Variants in EEFSEC observed in about 807,000 individuals in gnomAD.
EEFSEC encodes the protein eukaryotic elongation factor, selenocysteine-tRNA specific.
EEFSEC carries 43 observed loss-of-function variants against 42.1 expected under a neutral mutation model. That is an observed-to-expected ratio of 1.02 (90% CI 0.80 to 1.32). The LOEUF (loss-of-function observed/expected upper bound fraction) is 1.32, where lower values mean the gene tolerates loss of function less well. Among genes scored for constraint, EEFSEC ranks in the 40% most tolerant of loss-of-function variants. The pLI is 0.00. For synonymous variants in EEFSEC, 354 were observed against 339.1 expected (o/e 1.04, Z -0.48); for missense variants, 745 against 803.6 (o/e 0.93, Z 0.88).
chr3:128,225,191 CAG>C (rs2065896766), intron 1 of EEFSEC, among the ~76,000 whole-genome samples: 1 of 152,214 alleles, frequency 6.6e-6, no homozygotes, highest in Non-Finnish European at 1.5e-5. Context: ...AGCCCTAGGT[CAG>C]TGTCTTTTTT....
intron 1 of EEFSEC, among the ~76,000 whole-genome samples, chr3:128,171,365 A>G (rs149066284): frequency 4.0e-4 from 61 of 152,182 alleles, no homozygotes; most frequent in African/African-American, 1.3e-3. Flanking sequence ...TTTTTAATCA[A>G]TGAAAATATG....
At chr3:128,362,098 C>T in intron 6 of EEFSEC, 1 of 387,552 alleles carries the variant, frequency 2.6e-6, no homozygotes, top group South Asian at 2.0e-5. Context: ...GCTGGGAGGC[C>T]CATGTGGTGC....
chr3:128,160,959 G>A (rs1219367331), intron 1 of EEFSEC, among the ~76,000 whole-genome samples: 1 of 152,138 alleles, frequency 6.6e-6, no homozygotes, highest in Admixed American at 6.5e-5. Context: ...TCTGTATGCT[G>A]TTTTTTTGAT....
Position 128,341,140 on chromosome 3 carries a change from T to A in EEFSEC, c.787-93T>A, listed in dbSNP as rs543190171. The A allele has an allele frequency of 1.3e-4, 185 of 1,462,976 alleles. No individual in the cohort carries two copies. The Admixed American group carries it at 1.7e-3, about 14-fold the overall frequency. The allele number at this position is 1,462,976 out of a possible 1,614,324, so 90.6% of individuals were successfully genotyped here. On this transcript the variant is annotated intron_variant, in intron 4 of 6. Coordinates refer to ENST00000254730, the MANE Select transcript of EEFSEC (RefSeq NM_021937.5). ...TCCTCACGGTGCCTGCAGGTGGTGG[T>A]AAGCACAGGATTCTCTAGCTGCAGC...
intron 6 of EEFSEC, among the ~76,000 whole-genome samples, chr3:128,384,106 A>G (rs891194562): frequency 2.0e-4 from 30 of 152,202 alleles, no homozygotes; most frequent in African/African-American, 7.2e-4. Context: ...AAGCCCAGGC[A>G]CAGAGCCTAG....
intron 4 of EEFSEC, among the ~76,000 whole-genome samples, chr3:128,339,947 C>G (rs957545945): frequency 3.3e-5 from 5 of 152,148 alleles, no homozygotes; most frequent in Non-Finnish European, 5.9e-5. Flanking sequence ...CATTCACTAC[C>G]AGTATGGGGG....
At chr3:128,182,719 A>G (rs1177881557) in intron 1 of EEFSEC, among the ~76,000 whole-genome samples, 1 of 152,158 alleles carries the variant, frequency 6.6e-6, no homozygotes, top group African/African-American at 2.4e-5. Context: ...TGCCTGCTGG[A>G]ACCTGGGTGT....
intron 4 of EEFSEC, among the ~76,000 whole-genome samples, chr3:128,339,316 C>G (rs2067224689): frequency 1.3e-5 from 2 of 152,176 alleles, no homozygotes; most frequent in South Asian, 4.1e-4. Context: ...AACACACTCT[C>G]CCTTTATCCA....
chr3:128,338,254 G>T (rs1184862582), intron 4 of EEFSEC, among the ~76,000 whole-genome samples: 3 of 152,170 alleles, frequency 2.0e-5, no homozygotes, highest in Non-Finnish European at 4.4e-5. Flanking sequence ...AAAAAGAAAG[G>T]GAATGCTGTG....
At chr3:128,153,889 G>T in intron 1 of EEFSEC, 66 bp downstream of exon 1, 1 of 1,435,054 alleles carries the variant, frequency 7.0e-7, no homozygotes, top group Non-Finnish European at 9.0e-7. Context: ...CCCCGTGTCC[G>T]AATTCGCTCG....
At chr3:128,420,664 C>A in the EEFSEC span, among the ~76,000 whole-genome samples, 4 of 152,228 alleles carry the variant, frequency 2.6e-5, no homozygotes, top group Admixed American at 2.0e-4. Flanking sequence ...GTTCCCGAAG[C>A]AGAGTCTGAT....
chr3:128,299,503 G>A (rs2066743711), intron 4 of EEFSEC, among the ~76,000 whole-genome samples: 1 of 152,156 alleles, frequency 6.6e-6, no homozygotes, highest in African/African-American at 2.4e-5. Context: ...CAGATGGATA[G>A]CCTGCAAATA....
intron 6 of EEFSEC, 135 bp downstream of exon 6, chr3:128,358,508 T>G: frequency 7.7e-7 from 1 of 1,293,794 alleles, no homozygotes; most frequent in African/African-American, 1.5e-5. Flanking sequence ...TGACTTGGCC[T>G]GCCTGGCAGC....
intron 4 of EEFSEC, among the ~76,000 whole-genome samples, chr3:128,328,973 G>A (rs569018928): frequency 2.0e-5 from 3 of 152,174 alleles, no homozygotes; most frequent in East Asian, 1.9e-4. Flanking sequence ...CAGGAGGCTC[G>A]CAGTGGCAGC....
chr3:128,357,546 G>A lies in EEFSEC; in HGVS notation c.1444-671G>A, dbSNP rs904279530. Reference sequence around the variant, plus strand: ...GGGCTGTGGAGGAAAAGTGGGCCAGGCCAAGACAGGCTTCCAGGCACAGCT... The same window carrying A: ...GGGCTGTGGAGGAAAAGTGGGCCAGACCAAGACAGGCTTCCAGGCACAGCT... On this transcript the variant is annotated intron_variant, in intron 5 of 6. Coordinates refer to ENST00000254730, the MANE Select transcript of EEFSEC (RefSeq NM_021937.5). Among the ~76,000 whole-genome samples the A allele has an allele frequency of 7.8e-4, 119 of 152,224 alleles. 5 individuals carry two copies. The highest frequency in any genetic ancestry group is 7.8e-3 in the Admixed American group (119 of 15,286).
intron 4 of EEFSEC, among the ~76,000 whole-genome samples, chr3:128,330,100 A>G (rs1413674925): frequency 1.3e-5 from 2 of 152,202 alleles, no homozygotes; most frequent in African/African-American, 2.4e-5. Context: ...AAAACAGAAG[A>G]ATCCAGCATT....
chr3:128,231,026 C>T (rs576944999), intron 1 of EEFSEC, among the ~76,000 whole-genome samples: 28 of 152,306 alleles, frequency 1.8e-4, no homozygotes, highest in Admixed American at 1.5e-3. Flanking sequence ...GGCTCCACCA[C>T]ATTCTAGCTA....
At chr3:128,352,225 T>A (rs1381824002) in intron 5 of EEFSEC, among the ~76,000 whole-genome samples, 1 of 152,216 alleles carries the variant, frequency 6.6e-6, no homozygotes, top group Non-Finnish European at 1.5e-5. Flanking sequence ...CCTGAAGTTC[T>A]CCAGAGATGT....
At chr3:128,408,978 C>T (rs549778092), downstream of EEFSEC, among the ~76,000 whole-genome samples, 135 of 152,268 alleles carry the variant, frequency 8.9e-4, 1 homozygote, top group Middle Eastern at 0.01. Flanking sequence ...CACCCCAACA[C>T]GAGGAGTCCC....
Sources: allele counts gnomAD v4.1 joint callset (sites outside exome capture counted in the v4.1 genomes callset), GRCh38; gene constraint gnomAD v4.1.1; transcripts MANE v1.5; gene names NCBI Gene and HGNC (gene_info 2026-07-23, HGNC 2026-07-21).